BNC2: variants seen among roughly 807,000 people sequenced by gnomAD.
BNC2 encodes the protein basonuclin zinc finger protein 2.
Under a neutral mutation model 76.3 loss-of-function variants are expected in BNC2, and 20 were observed. The observed-to-expected ratio is 0.26, with a 90% CI of 0.18 to 0.38. The LOEUF (loss-of-function observed/expected upper bound fraction) is 0.38, where lower values mean the gene tolerates loss of function less well. Ranked by LOEUF, BNC2 falls within the 10% of genes least tolerant of loss-of-function variation. The probability of loss-of-function intolerance (pLI) is 1.00; values close to 1 mark genes in which losing one functional copy is unlikely to be tolerated. For synonymous variants in BNC2, 582 were observed against 514.8 expected (o/e 1.13, Z -1.77); for missense variants, 1,382 against 1,399.8 (o/e 0.99, Z 0.20).
Position 16,418,659 on chromosome 9 carries a change from G to T in BNC2, c.*330C>A, listed in dbSNP as rs1820637050. ...TATTCTGTCAAAACTGGGGCTAGTT[G>T]CACACTGTGTGTGTGTGTGTGTGTG... is the stretch of plus-strand genomic sequence containing the variant. On this transcript the variant is annotated 3_prime_UTR_variant, in exon 7 of 7. Coordinates refer to ENST00000380672, the MANE Select transcript of BNC2 (RefSeq NM_017637.6). The T allele has an allele frequency of 9.0e-6, 2 of 221,838 alleles. No homozygotes were observed. The highest frequency in any genetic ancestry group is 3.0e-5 in the African/African-American group (1 of 33,250). 13.7% of individuals were successfully genotyped at this position (221,838 alleles called of 1,614,324 possible).
rs1279798516 is a variant in BNC2 at position 16,738,396 on chromosome 9, C to T, written c.93G>A (p.Lys31=). ...ATGTATCAACCCCACAACATGGGAC[C>T]TTGAAATATGCTGGCCAGTCTTGCT... is the stretch of plus-strand genomic sequence containing the variant. The part of the protein sequence containing the change: ...LSEQDWPAYF[K]VPCCGVDTSQ... Residue 31 remains lysine (K), a synonymous_variant, in exon 2 of 7, where the codon AAG becomes AAA. Transcript: ENST00000380672. 2.5e-6 allele frequency: 4 copies of T among 1,613,940 alleles called. No individual in the cohort carries two copies. Among genetic ancestry groups the T allele is most frequent in the African/African-American group, 1.3e-5 (1 of 74,908 alleles).
At chr9:16,690,387 T>C (rs1207058204) in intron 3 of BNC2, among the ~76,000 whole-genome samples, 3 of 151,628 alleles carry the variant, frequency 2.0e-5, no homozygotes, top group African/African-American at 7.3e-5. Flanking sequence ...AGCCCAAGAG[T>C]TCAAAGTTAA....
At chr9:16,590,453 A>G (rs545345158) in intron 3 of BNC2, among the ~76,000 whole-genome samples, 112 of 150,336 alleles carry the variant, frequency 7.4e-4, no homozygotes, top group Non-Finnish European at 1.4e-3. Context: ...TCGGCCTCCC[A>G]AAGTGCTAGG....
intron 3 of BNC2, among the ~76,000 whole-genome samples, chr9:16,656,490 C>A (rs1307044848): frequency 6.6e-6 from 1 of 152,054 alleles, no homozygotes; most frequent in Non-Finnish European, 1.5e-5. Flanking sequence ...ATGGAAGGCT[C>A]CCTCACCTCA....
chr9:16,717,812 A>T (rs1354644078), intron 3 of BNC2, among the ~76,000 whole-genome samples: 1 of 152,102 alleles, frequency 6.6e-6, no homozygotes, highest in Non-Finnish European at 1.5e-5. Flanking sequence ...CTGCAGTTGT[A>T]AAAAAAATTT....
chr9:16,774,138 CA>C (rs1260961733), intron 1 of BNC2, among the ~76,000 whole-genome samples: 1 of 152,130 alleles, frequency 6.6e-6, no homozygotes, highest in Non-Finnish European at 1.5e-5. Flanking sequence ...CCCGCCACCA[CA>C]CCCAGCTAAT....
At chr9:16,530,253 T>G (rs1192840053) in intron 5 of BNC2, among the ~76,000 whole-genome samples, 1 of 152,196 alleles carries the variant, frequency 6.6e-6, no homozygotes, top group Admixed American at 6.5e-5. Flanking sequence ...CCCTGCCCTT[T>G]ACGAAATTCC....
intron 3 of BNC2, among the ~76,000 whole-genome samples, chr9:16,625,318 C>A: frequency 6.6e-6 from 1 of 152,156 alleles, no homozygotes; most frequent in Non-Finnish European, 1.5e-5. Context: ...CTGCACTCTC[C>A]TTATTTTCTT....
chr9:16,846,023 A>G (rs1376916342), intron 1 of BNC2, among the ~76,000 whole-genome samples: 1 of 150,926 alleles, frequency 6.6e-6, no homozygotes. Flanking sequence ...GGTGGCGGGC[A>G]CCTGCAGTCC....
intron 5 of BNC2, among the ~76,000 whole-genome samples, chr9:16,453,424 T>C (rs553545369): frequency 2.2e-4 from 33 of 152,302 alleles, no homozygotes; most frequent in Non-Finnish European, 4.3e-4. Flanking sequence ...TTTCCCACTA[T>C]TCTTCTGAAA....
intron 5 of BNC2, among the ~76,000 whole-genome samples, chr9:16,540,057 T>C (rs1818270430): frequency 6.6e-6 from 1 of 151,994 alleles, no homozygotes; most frequent in Non-Finnish European, 1.5e-5. Flanking sequence ...TTTAACCAGA[T>C]GTCTCAATTC....
intron 1 of BNC2, among the ~76,000 whole-genome samples, chr9:16,764,204 G>C (rs1226983543): frequency 6.6e-6 from 1 of 152,122 alleles, no homozygotes; most frequent in Non-Finnish European, 1.5e-5. Flanking sequence ...ACAATTCTGT[G>C]TTTTAAAACA....
chr9:16,495,189 T>C (rs1450301055), intron 5 of BNC2, among the ~76,000 whole-genome samples: 1 of 152,142 alleles, frequency 6.6e-6, no homozygotes, highest in Non-Finnish European at 1.5e-5. Flanking sequence ...TCTAAATTAT[T>C]AGCAGATCCT....
intron 3 of BNC2, among the ~76,000 whole-genome samples, chr9:16,606,914 C>T (rs904901171): frequency 8.5e-5 from 13 of 152,094 alleles, no homozygotes; most frequent in African/African-American, 3.1e-4. Flanking sequence ...CTTTGGCCTG[C>T]GGCCATCCAC....
In BNC2 at chr9:16,787,308, G is replaced by A. The variant is rs189677768; in HGVS notation, c.4-48823C>T. Among the ~76,000 whole-genome samples, 6 of 152,300 alleles carry A rather than the reference G, an allele frequency of 3.9e-5. No homozygotes were observed. The East Asian group carries it at 1.2e-3, about 29-fold the overall frequency. ...CCCTCTCTAGACTTTACTCCTATTA[G>A]CTGTAAAATGAAGAACGGGGAAACA... On this transcript the variant is annotated intron_variant, in intron 1 of 6. Coordinates refer to ENST00000380672, the MANE Select transcript of BNC2 (RefSeq NM_017637.6).
intron 1 of BNC2, among the ~76,000 whole-genome samples, chr9:16,843,739 A>C (rs2136106997): frequency 6.6e-6 from 1 of 152,334 alleles, no homozygotes; most frequent in South Asian, 2.1e-4. Flanking sequence ...TAAGACTACA[A>C]ATGTGTGTGG....
At chr9:16,459,983 T>C (rs1821539440) in intron 5 of BNC2, among the ~76,000 whole-genome samples, 1 of 152,180 alleles carries the variant, frequency 6.6e-6, no homozygotes, top group Non-Finnish European at 1.5e-5. Flanking sequence ...AAAGCGCACG[T>C]GCAAGTGAGT....
At chr9:16,857,666 T>G (rs1586940785) in intron 1 of BNC2, among the ~76,000 whole-genome samples, 1 of 152,132 alleles carries the variant, frequency 6.6e-6, no homozygotes, top group East Asian at 1.9e-4. Flanking sequence ...TTGTATAAAT[T>G]TGAACAGTTA....
chr9:16,685,292 G>C (rs1229164961), intron 3 of BNC2, among the ~76,000 whole-genome samples: 2 of 152,128 alleles, frequency 1.3e-5, no homozygotes, highest in African/African-American at 4.8e-5. Context: ...ATCAACTCTA[G>C]GTAGTCAACC....
Sources: allele counts gnomAD v4.1 joint callset (sites outside exome capture counted in the v4.1 genomes callset), GRCh38; gene constraint gnomAD v4.1.1; transcripts MANE v1.5; gene names NCBI Gene and HGNC (gene_info 2026-07-23, HGNC 2026-07-21).